The following CCDC178 variants were observed in gnomAD, a reference collection of about 807,000 sequenced individuals.
CCDC178 encodes the protein coiled-coil domain containing 178, also known as coiled-coil domain-containing protein 178.
A neutral mutation model predicts 117.4 loss-of-function variants in CCDC178; 126 were observed. That is an observed-to-expected ratio of 1.07 (90% CI 0.93 to 1.24). CCDC178 has a LOEUF of 1.24. Ranked by LOEUF, CCDC178 falls within the 50% of genes most tolerant of loss-of-function variation. CCDC178 has a pLI of 0.00. For synonymous variants in CCDC178, 283 were observed against 313.4 expected, an observed-to-expected ratio of 0.90 and a Z score of 1.02; for missense variants, 1,030 against 986.9, an observed-to-expected ratio of 1.04 and a Z score of -0.59.
At chr18:33,011,646 C>T (rs570145087) in intron 21 of CCDC178, among the ~76,000 whole-genome samples, 17 of 151,708 alleles carry the variant, frequency 1.1e-4, no homozygotes, top group Non-Finnish European at 2.2e-4. Flanking sequence ...TGCTGGCTTA[C>T]TAGTCTGTTA....
At chr18:33,157,276 T>C (rs903068932) in intron 20 of CCDC178, among the ~76,000 whole-genome samples, 2 of 152,194 alleles carry the variant, frequency 1.3e-5, no homozygotes, top group Admixed American at 1.3e-4. Flanking sequence ...CACATTGAAA[T>C]GTGATTTACT....
chr18:32,958,518 A>G (rs1360794017), intron 22 of CCDC178, among the ~76,000 whole-genome samples: 1 of 152,184 alleles, frequency 6.6e-6, no homozygotes, highest in African/African-American at 2.4e-5. Flanking sequence ...TAATTAGTTC[A>G]AGTAATGTCA....
intron 16 of CCDC178, 134 bp downstream of exon 16, chr18:33,226,659 C>T (rs2059305895): frequency 3.9e-6 from 2 of 516,822 alleles, no homozygotes; most frequent in Non-Finnish European, 6.8e-6. Context: ...GGGCAACTGC[C>T]ATCAGCTAAG....
intron 20 of CCDC178, among the ~76,000 whole-genome samples, chr18:33,135,589 A>C (rs920904329): frequency 6.6e-6 from 1 of 152,224 alleles, no homozygotes; most frequent in African/African-American, 2.4e-5. Flanking sequence ...AACCACCTGT[A>C]ACTGATCTAG....
At chr18:33,182,912 C>G (rs747533342) in intron 20 of CCDC178, among the ~76,000 whole-genome samples, 38 of 151,954 alleles carry the variant, frequency 2.5e-4, no homozygotes, top group African/African-American at 8.9e-4. Flanking sequence ...GGAGCTAATA[C>G]TATTGTTTTT....
At chr18:33,285,494 T>C (rs2144844420) in intron 12 of CCDC178, among the ~76,000 whole-genome samples, 1 of 152,298 alleles carries the variant, frequency 6.6e-6, no homozygotes, top group East Asian at 1.9e-4. Flanking sequence ...ATAATCCTGA[T>C]AAGAGCATCT....
intron 22 of CCDC178, among the ~76,000 whole-genome samples, chr18:32,959,822 A>T (rs2054670606): frequency 1.3e-5 from 2 of 152,066 alleles, no homozygotes; most frequent in African/African-American, 4.8e-5. Context: ...CACACCATTG[A>T]CATGGCTCTT....
chr18:33,295,493 CAA>C (rs929415275), intron 11 of CCDC178, among the ~76,000 whole-genome samples: 5 of 151,916 alleles, frequency 3.3e-5, no homozygotes, highest in African/African-American at 1.2e-4. Context: ...CCCTCAAAGA[CAA>C]AAAGACAAGA....
intron 22 of CCDC178, among the ~76,000 whole-genome samples, chr18:32,940,800 G>A (rs1451759682): frequency 6.6e-6 from 1 of 152,056 alleles, no homozygotes; most frequent in Non-Finnish European, 1.5e-5. Context: ...GATCCAGGTA[G>A]TCCCCCTTAT....
chr18:33,208,598 G>T (rs1241514286), intron 20 of CCDC178, among the ~76,000 whole-genome samples: 1 of 152,038 alleles, frequency 6.6e-6, no homozygotes, highest in African/African-American at 2.4e-5. Context: ...TGAAATAGTT[G>T]TGAGAATGTA....
chr18:33,108,843 A>G (rs974285864), intron 20 of CCDC178, among the ~76,000 whole-genome samples: 5 of 151,738 alleles, frequency 3.3e-5, no homozygotes, highest in Non-Finnish European at 5.9e-5. Flanking sequence ...TAAGAATTCA[A>G]GCTATAATTT....
chr18:33,165,076 G>A (rs1283993566), intron 20 of CCDC178, among the ~76,000 whole-genome samples: 2 of 152,168 alleles, frequency 1.3e-5, no homozygotes, highest in South Asian at 2.1e-4. Context: ...TTGGAAGGAC[G>A]TCAAGCTCTC....
At chr18:33,409,940 T>C (rs1350390) in intron 3 of CCDC178, among the ~76,000 whole-genome samples, 90,615 of 152,076 alleles carry the variant, frequency 0.6, 28,117 homozygotes, top group East Asian at 0.8. Flanking sequence ...ACAGACATAT[T>C]TTCATTTCTT....
intron 21 of CCDC178, among the ~76,000 whole-genome samples, chr18:33,073,529 ATCTATC>A (rs1477221711): frequency 1.3e-5 from 2 of 148,832 alleles, no homozygotes; most frequent in African/African-American, 5.1e-5. Context: ...CTATCTATCT[ATCTATC>A]TATCTATCTA....
chr18:33,022,325 T>G (rs2056139062), intron 21 of CCDC178, among the ~76,000 whole-genome samples: 1 of 152,152 alleles, frequency 6.6e-6, no homozygotes, highest in Non-Finnish European at 1.5e-5. Context: ...ATGTGATAAG[T>G]AGAAATATAA....
intron 12 of CCDC178, among the ~76,000 whole-genome samples, chr18:33,268,858 C>G (rs889260988): frequency 2.6e-5 from 4 of 151,724 alleles, no homozygotes; most frequent in African/African-American, 9.7e-5. Context: ...TAGCCAAAGG[C>G]TTGCAACAAT....
At chr18:33,324,758 T>G (rs1241899037) in intron 10 of CCDC178, among the ~76,000 whole-genome samples, 1 of 151,786 alleles carries the variant, frequency 6.6e-6, no homozygotes, top group Non-Finnish European at 1.5e-5. Context: ...ATTGTCCCTT[T>G]ATTTTCTTTA....
At chr18:33,154,493 GA>G (rs1274637559) in intron 20 of CCDC178, among the ~76,000 whole-genome samples, 1 of 151,486 alleles carries the variant, frequency 6.6e-6, no homozygotes, top group Non-Finnish European at 1.5e-5. Context: ...AATAATGAGT[GA>G]AAAAATAAGA....
rs570731578 is a variant in CCDC178 at position 33,108,541 on chromosome 18, A to G, written c.2239-15631T>C. On this transcript the variant is annotated intron_variant, in intron 20 of 22. Coordinates refer to ENST00000383096, the MANE Select transcript of CCDC178 (RefSeq NM_001105528.4). ...CTAACTAGATTTGTTTGTGTCAACT[A>G]TAACAGACAGACTAAACCATTATCC... Among the ~76,000 whole-genome samples the G allele has an allele frequency of 1.1e-4, 17 of 151,772 alleles. No homozygotes were observed. The South Asian group carries it at 2.7e-3, about 24-fold the overall frequency.
Sources: allele counts gnomAD v4.1 joint callset (sites outside exome capture counted in the v4.1 genomes callset), GRCh38; gene constraint gnomAD v4.1.1; transcripts MANE v1.5; gene names NCBI Gene and HGNC (gene_info 2026-07-23, HGNC 2026-07-21).